PAX2: variants seen among roughly 807,000 people sequenced by gnomAD.
PAX2 encodes paired box protein Pax-2.
A neutral mutation model predicts 41.7 loss-of-function variants in PAX2; 9 were observed. That is an observed-to-expected ratio of 0.22 (90% CI 0.13 to 0.38). The LOEUF (loss-of-function observed/expected upper bound fraction) is 0.38. PAX2 is among the 10% of genes least tolerant of loss of function. PAX2 has a pLI of 1.00. For synonymous variants in PAX2, 221 were observed against 212.7 expected, an observed-to-expected ratio of 1.04 and a Z score of -0.34; for missense variants, 418 against 531.6, an observed-to-expected ratio of 0.79 and a Z score of 2.10.
chr10:100,796,300 C>T (rs1184529398), intron 5 of PAX2, among the ~76,000 whole-genome samples: 1 of 151,966 alleles, frequency 6.6e-6, no homozygotes, highest in Non-Finnish European at 1.5e-5. Flanking sequence ...TGAACAATAC[C>T]ATATAAACAG....
chr10:100,811,561 C>T (rs1847990727), intron 7 of PAX2, among the ~76,000 whole-genome samples: 1 of 152,276 alleles, frequency 6.6e-6, no homozygotes, highest in Non-Finnish European at 1.5e-5. Context: ...TAGAAAGATA[C>T]TGGCATCTGT....
In PAX2 at chr10:100,826,331, G is replaced by T. The variant is rs1361884100; in HGVS notation, c.1022-678G>T. 6.6e-6 allele frequency among the ~76,000 whole-genome samples: 1 copy of T among 152,060 alleles called. No individual in the cohort carries two copies. Among genetic ancestry groups the T allele is most frequent in the South Asian group, 2.1e-4 (1 of 4,816 alleles). On this transcript the variant is annotated intron_variant, in intron 8 of 9. Coordinates refer to ENST00000355243, the MANE Select transcript of PAX2 (RefSeq NM_000278.5). The surrounding 1 kb of genome is among the most constrained non-coding windows in gnomAD (Gnocchi z 5.5). ...GAAAGGGCGAGGGGGAAACCTGGAG[G>T]CCTGGCCTTTCTCCCGCAGAGGGAG...
rs2133830126 is a variant in PAX2, at chr10:100,748,686, C to T, written c.44-1060C>T. 1.0e-6 allele frequency: 1 copy of T among 985,446 alleles called. No homozygotes were observed. 61.0% of individuals were successfully genotyped at this position (985,446 alleles called of 1,614,324 possible). The stretch of plus-strand genomic sequence containing the variant: ...CCTCAGGCCTGGCACCCAGTGGCCG[C>T]CTCGGTTCCGAGATCGGGAGCCCGC... On this transcript the variant is annotated intron_variant, in intron 1 of 9. Transcript: ENST00000355243. The surrounding 1 kb of genome is among the most constrained non-coding windows in gnomAD (Gnocchi z 5.0).
In PAX2 at chr10:100,777,433, T is replaced by C. The variant is rs1421811520; in HGVS notation, c.411-2065T>C. 3.0e-5 allele frequency among the ~76,000 whole-genome samples: 4 copies of C among 135,466 alleles called. No homozygotes were observed. In the East Asian group the frequency reaches 6.1e-4, roughly 21 times the overall value. 88.9% of individuals were successfully genotyped at this position (135,466 alleles called of 152,430 possible). On this transcript the variant is annotated intron_variant, in intron 3 of 9. Transcript: ENST00000355243. ...TTTTTGAGATGGAGTCTCACTCTAT[T>C]GCCCAGACTGGAGTACAGTGGCTTG...
intron 5 of PAX2, among the ~76,000 whole-genome samples, chr10:100,805,758 T>A (rs1455556174): frequency 6.6e-6 from 1 of 152,162 alleles, no homozygotes; most frequent in Non-Finnish European, 1.5e-5. Flanking sequence ...CATAGAGGCA[T>A]CCACAGGGGC....
At chr10:100,776,353 G>A (rs912204665) in intron 3 of PAX2, among the ~76,000 whole-genome samples, 6 of 152,180 alleles carry the variant, frequency 3.9e-5, no homozygotes, top group African/African-American at 1.2e-4. Context: ...TCCCAAATCT[G>A]TGCTTCTTCT....
chr10:100,814,260 G>A (rs1291863077), intron 7 of PAX2, among the ~76,000 whole-genome samples: 1 of 134,646 alleles, frequency 7.4e-6, no homozygotes, highest in Non-Finnish European at 1.5e-5. Flanking sequence ...GCTGAGGCAG[G>A]AATATCACTT....
Position 100,750,711 on chromosome 10 carries a change from G to C in PAX2, c.230G>C (p.Ser77Thr). ...CGGCGCAGGTACTACGAGACCGGCAGCATCAAGCCGGGTGTGATCGGTGGC... is the reference window on the plus strand; with the variant it reads ...CGGCGCAGGTACTACGAGACCGGCACCATCAAGCCGGGTGTGATCGGTGGC... ...KILGRYYETGSIKPGVIGGSK... is the reference protein window; with the variant it reads ...KILGRYYETGTIKPGVIGGSK... Residue 77 changes from serine to threonine, a missense_variant, in exon 3 of 10, where the codon AGC (serine) becomes ACC (threonine). This residue lies in a region of PAX2 where 108 missense variants were observed against 206.3 expected (regional missense o/e 0.52). Coordinates refer to ENST00000355243, the MANE Select transcript of PAX2 (RefSeq NM_000278.5). This position sits in a 1 kb window ranked among gnomAD's most constrained non-coding sequence, Gnocchi z 4.1. The C allele has an allele frequency of 6.2e-7, 1 of 1,614,188 alleles. No individual in the cohort carries two copies. The highest frequency in any genetic ancestry group is 8.5e-7 in the Non-Finnish European group (1 of 1,180,024).
chr10:100,775,111 G>T (rs1046022015), intron 3 of PAX2, among the ~76,000 whole-genome samples: 1 of 152,146 alleles, frequency 6.6e-6, no homozygotes, highest in African/African-American at 2.4e-5. Context: ...GTCCTCCAGG[G>T]TCCCAGCTGC....
rs374816036 is a variant in PAX2, at chr10:100,763,291, G to A, written c.410+12400G>A. On this transcript the variant is annotated intron_variant, in intron 3 of 9. Coordinates refer to ENST00000355243, the MANE Select transcript of PAX2 (RefSeq NM_000278.5). ...CAGTCAATCATCTATAAAGGTTGTCGATATGATGCCAAAGATCTGGCGATT... is the reference window on the plus strand; with the variant it reads ...CAGTCAATCATCTATAAAGGTTGTCAATATGATGCCAAAGATCTGGCGATT... Among the ~76,000 whole-genome samples the A allele has an allele frequency of 1.1e-4, 16 of 152,304 alleles. No homozygotes were observed. The South Asian group carries it at 1.5e-3, about 14-fold the overall frequency.
At chr10:100,746,385 T>A in intron 1 of PAX2, 82 bp downstream of exon 1, 1 of 976,852 alleles carries the variant, frequency 1.0e-6, no homozygotes, top group Non-Finnish European at 1.7e-6. Flanking sequence ...CCCCGGCCCC[T>A]CGCGCTCAGG....
chr10:100,770,156 G>T (rs753904194), intron 3 of PAX2, among the ~76,000 whole-genome samples: 26 of 152,326 alleles, frequency 1.7e-4, no homozygotes, highest in Non-Finnish European at 3.1e-4. Context: ...TCACTAGCGG[G>T]CCCTACATCT....
At chr10:100,739,486 C>CG (rs1844880787) in intron 1 of PAX2, among the ~76,000 whole-genome samples, 1 of 152,212 alleles carries the variant, frequency 6.6e-6, no homozygotes, top group African/African-American at 2.4e-5. Context: ...TTGGTGCCGG[C>CG]TCGCAACTCT....
chr10:100,814,019 A>C (rs1011982269), intron 7 of PAX2, among the ~76,000 whole-genome samples: 2 of 152,186 alleles, frequency 1.3e-5, no homozygotes, highest in African/African-American at 4.8e-5. Flanking sequence ...GAATAATCCA[A>C]AAGTGCTATA....
chr10:100,775,338 G>C (rs997047613), intron 3 of PAX2, among the ~76,000 whole-genome samples: 5 of 152,228 alleles, frequency 3.3e-5, no homozygotes, highest in African/African-American at 7.2e-5. Context: ...GCCATGAGTT[G>C]TTGGGTTGTT....
chr10:100,816,795 C>A (rs1306132288), intron 7 of PAX2, among the ~76,000 whole-genome samples: 1 of 152,198 alleles, frequency 6.6e-6, no homozygotes, highest in Non-Finnish European at 1.5e-5. Context: ...TGAATCCTCC[C>A]CTCTTCTCCC....
intron 3 of PAX2, among the ~76,000 whole-genome samples, chr10:100,755,154 T>C (rs1321917232): frequency 6.6e-6 from 1 of 152,260 alleles, no homozygotes; most frequent in East Asian, 1.9e-4. Context: ...GTTGAAATTC[T>C]CATTCCTTAA....
At chr10:100,819,836 T>A (rs897971852) in intron 7 of PAX2, among the ~76,000 whole-genome samples, 1 of 152,214 alleles carries the variant, frequency 6.6e-6, no homozygotes, top group African/African-American at 2.4e-5. Context: ...TCTGTACTTG[T>A]AAGGGGAGCT....
intron 3 of PAX2, among the ~76,000 whole-genome samples, chr10:100,766,646 A>C (rs528698682): frequency 1.3e-5 from 2 of 152,342 alleles, no homozygotes; most frequent in South Asian, 4.1e-4. Context: ...CAAGAAGAAT[A>C]GAATCGTATT....
Sources: gnomAD v4.1 joint callset for allele counts (sites outside exome capture counted in the v4.1 genomes callset) on GRCh38, gnomAD v4.1.1 for gene constraint, gnomAD v4.1.1 regional missense constraint, Gnocchi (gnomAD v3.1) non-coding constraint, MANE v1.5 for transcripts, NCBI Gene and HGNC (gene_info 2026-07-23, HGNC 2026-07-21) for gene names.